The following CADM2 variants were observed in gnomAD, a reference collection of about 807,000 sequenced individuals.
CADM2 encodes cell adhesion molecule 2.
In CADM2, 12 loss-of-function variants were observed where a neutral mutation model predicts 49.8. The observed-to-expected ratio is 0.24, with a 90% confidence interval of 0.15 to 0.39. The LOEUF is 0.39. Among genes scored for constraint, CADM2 ranks in the 10% least tolerant of loss-of-function variants. The pLI is 1.00. For missense variants in CADM2, 378 were observed against 492.3 expected (o/e 0.77, Z 2.20); for synonymous variants, 214 against 175.4 (o/e 1.22, Z -1.74).
At chr3:85,813,729 A>G (rs564386189) in intron 3 of CADM2, among the ~76,000 whole-genome samples, 1 of 152,274 alleles carries the variant, frequency 6.6e-6, no homozygotes, top group East Asian at 1.9e-4. Context: ...GGTGTAGGGA[A>G]GGGGTCCAGT....
At chr3:86,055,952 G>T (rs918322150) in intron 8 of CADM2, among the ~76,000 whole-genome samples, 1 of 152,168 alleles carries the variant, frequency 6.6e-6, no homozygotes, top group African/African-American at 2.4e-5. Flanking sequence ...ACTATTTTAT[G>T]AAGGAAAATT....
intron 3 of CADM2, among the ~76,000 whole-genome samples, chr3:85,853,181 T>C (rs114445277): frequency 3.2e-4 from 49 of 152,046 alleles, no homozygotes; most frequent in Admixed American, 1.2e-3. Context: ...TCTAGATGAC[T>C]GAGCAGCTGA....
chr3:85,205,723 ATT>A (rs2041615794), intron 1 of CADM2, among the ~76,000 whole-genome samples: 9 of 152,104 alleles, frequency 5.9e-5, no homozygotes, highest in Non-Finnish European at 1.5e-5. Flanking sequence ...ATTACAATAT[ATT>A]TGTAATGCTC....
At chr3:85,120,318 C>G (rs2038807401) in intron 1 of CADM2, among the ~76,000 whole-genome samples, 1 of 152,180 alleles carries the variant, frequency 6.6e-6, no homozygotes, top group African/African-American at 2.4e-5. Flanking sequence ...TTTGACCCAG[C>G]AATCCCACTA....
At chr3:85,892,643 C>A (rs989310263) in intron 5 of CADM2, among the ~76,000 whole-genome samples, 12 of 152,174 alleles carry the variant, frequency 7.9e-5, no homozygotes, top group African/African-American at 2.9e-4. Context: ...TGAGGCCTCC[C>A]CAGCCATGTG....
chr3:85,954,133 C>A (rs1265374289), intron 7 of CADM2, among the ~76,000 whole-genome samples: 4 of 150,470 alleles, frequency 2.7e-5, no homozygotes, highest in African/African-American at 4.9e-5. Context: ...AAATCAATAC[C>A]AAGAATAAAA....
intron 8 of CADM2, chr3:86,015,199 A>G (rs1436487373): frequency 3.0e-6 from 1 of 335,878 alleles, no homozygotes; most frequent in Non-Finnish European, 5.4e-6. Context: ...CCTCTTAATC[A>G]CTAAATGTCT....
chr3:84,986,608 TG>T (rs1156589681), intron 1 of CADM2, among the ~76,000 whole-genome samples: 1 of 148,712 alleles, frequency 6.7e-6, no homozygotes. Context: ...TGTTGTGGGG[TG>T]GGGGGAGCGG....
chr3:85,412,461 C>A (rs550346584), intron 1 of CADM2, among the ~76,000 whole-genome samples: 4 of 151,804 alleles, frequency 2.6e-5, no homozygotes, highest in East Asian at 1.9e-4. Flanking sequence ...AAGGTGAATT[C>A]TCTTGATGGC....
At chr3:85,929,227 C>A (rs1720294797) in intron 6 of CADM2, among the ~76,000 whole-genome samples, 1 of 152,012 alleles carries the variant, frequency 6.6e-6, no homozygotes, top group Non-Finnish European at 1.5e-5. Context: ...ATGTAACACA[C>A]CTTGCTCCTA....
At chr3:85,108,784 G>GA (rs575813154) in intron 1 of CADM2, among the ~76,000 whole-genome samples, 4 of 151,832 alleles carry the variant, frequency 2.6e-5, no homozygotes, top group South Asian at 4.1e-4. Flanking sequence ...ATTTGAATTA[G>GA]AAAAAAACAT....
chr3:85,998,488 A>G (rs954546780), intron 8 of CADM2, among the ~76,000 whole-genome samples: 1 of 152,210 alleles, frequency 6.6e-6, no homozygotes, highest in Non-Finnish European at 1.5e-5. Context: ...TAAAGAGAGC[A>G]GTACACATTT....
chr3:85,690,548 T>G (rs1314505024), intron 1 of CADM2, among the ~76,000 whole-genome samples: 2 of 151,594 alleles, frequency 1.3e-5, no homozygotes, highest in Non-Finnish European at 2.9e-5. Flanking sequence ...GAAGGAGAGA[T>G]AGTGACAGAG....
At chr3:85,664,121 A>G (rs1232949269) in intron 1 of CADM2, among the ~76,000 whole-genome samples, 2 of 151,934 alleles carry the variant, frequency 1.3e-5, no homozygotes, top group Non-Finnish European at 2.9e-5. Flanking sequence ...TTCCTTCTCA[A>G]CTACTGTATC....
At chr3:85,835,110 T>G (rs2074349985) in intron 3 of CADM2, among the ~76,000 whole-genome samples, 1 of 151,586 alleles carries the variant, frequency 6.6e-6, no homozygotes, top group South Asian at 2.1e-4. Context: ...ACATCCAACT[T>G]GCAGTGAACA....
intron 1 of CADM2, among the ~76,000 whole-genome samples, chr3:85,404,782 C>T (rs898099773): frequency 6.6e-5 from 10 of 152,026 alleles, no homozygotes; most frequent in African/African-American, 1.9e-4. Context: ...TAAAAAATTT[C>T]CTGTCAGGTG....
chr3:85,126,349 A>T (rs1203474236), intron 1 of CADM2, among the ~76,000 whole-genome samples: 1 of 152,176 alleles, frequency 6.6e-6, no homozygotes, highest in Admixed American at 6.5e-5. Context: ...ACTCACATAC[A>T]TATGGGTGGA....
At chr3:85,460,855 G>A (rs182811209) in intron 1 of CADM2, among the ~76,000 whole-genome samples, 1 of 151,940 alleles carries the variant, frequency 6.6e-6, no homozygotes, top group Non-Finnish European at 1.5e-5. Context: ...CCCCATGGAA[G>A]CTCTCCTCTA....
intron 1 of CADM2, among the ~76,000 whole-genome samples, chr3:85,609,223 A>T (rs1188981494): frequency 6.6e-6 from 1 of 152,044 alleles, no homozygotes; most frequent in Non-Finnish European, 1.5e-5. Flanking sequence ...CTAAGATTTG[A>T]GTTCTTGTAC....
Sources: allele counts gnomAD v4.1 joint callset (sites outside exome capture counted in the v4.1 genomes callset), GRCh38; gene constraint gnomAD v4.1.1; transcripts MANE v1.5; gene names NCBI Gene and HGNC (gene_info 2026-07-23, HGNC 2026-07-21).